Variants in IGSF21 observed in about 807,000 individuals in gnomAD.
IGSF21 encodes immunoglobulin superfamily member 21.
In IGSF21, 28 loss-of-function variants were observed where a neutral mutation model predicts 46.8. That is an observed-to-expected ratio of 0.60 (90% confidence interval 0.44 to 0.82). The LOEUF (loss-of-function observed/expected upper bound fraction) is 0.82, where lower values mean the gene tolerates loss of function less well. IGSF21 is among the 40% of genes least tolerant of loss of function. The probability of loss-of-function intolerance (pLI) is 0.00; values close to 1 mark genes in which losing one functional copy is unlikely to be tolerated. For synonymous variants in IGSF21, 284 were observed against 273.6 expected, an observed-to-expected ratio of 1.04 and a Z score of -0.38; for missense variants, 624 against 665.5, an observed-to-expected ratio of 0.94 and a Z score of 0.69.
chr1:18,242,662 C>T (rs1303502084), intron 2 of IGSF21, among the ~76,000 whole-genome samples: 2 of 152,156 alleles, frequency 1.3e-5, no homozygotes, highest in Non-Finnish European at 2.9e-5. Flanking sequence ...TTCAACGTTC[C>T]CCTTCAACCC....
intron 2 of IGSF21, among the ~76,000 whole-genome samples, chr1:18,264,852 C>T (rs1485318727): frequency 1.3e-5 from 2 of 152,174 alleles, no homozygotes; most frequent in Non-Finnish European, 2.9e-5. Flanking sequence ...CTACCCTTCC[C>T]CTTCTCTACC....
At chr1:18,376,685 C>A in intron 7 of IGSF21, 115 bp from the exon 8 acceptor site, 1 of 1,031,110 alleles carries the variant, frequency 9.7e-7, no homozygotes, top group Non-Finnish European at 1.4e-6. Context: ...GCAGCCACTC[C>A]TAACCCGTCG....
At chr1:18,160,445 C>T (rs2086608039) in intron 1 of IGSF21, among the ~76,000 whole-genome samples, 2 of 152,222 alleles carry the variant, frequency 1.3e-5, no homozygotes, top group Admixed American at 1.3e-4. Context: ...CCTATAATGG[C>T]AGGCGGTGAG....
chr1:18,370,315 T>C (rs908233444), intron 6 of IGSF21, among the ~76,000 whole-genome samples: 18 of 152,192 alleles, frequency 1.2e-4, no homozygotes, highest in African/African-American at 2.4e-4. Flanking sequence ...ACAGAGTTCA[T>C]TGATTTTTGC....
intron 1 of IGSF21, among the ~76,000 whole-genome samples, chr1:18,168,935 G>T (rs1047253486): frequency 6.6e-6 from 1 of 152,190 alleles, no homozygotes; most frequent in African/African-American, 2.4e-5. Flanking sequence ...GGACAGCCCC[G>T]AGGGGCCCCG....
At chr1:18,377,482 G>A in intron 9 of IGSF21, 51 bp downstream of exon 9, 3 of 1,454,124 alleles carry the variant, frequency 2.1e-6, no homozygotes, top group Non-Finnish European at 2.9e-6. Context: ...GGCTTTTGAG[G>A]CGCCAGAAAG....
At chr1:18,188,081 C>T (rs138340568) in intron 1 of IGSF21, among the ~76,000 whole-genome samples, 41 of 152,284 alleles carry the variant, frequency 2.7e-4, no homozygotes, top group African/African-American at 9.6e-4. Flanking sequence ...CTGGATAAGA[C>T]ACTATTCAGC....
In IGSF21 at chr1:18,337,839, A is replaced by C. The variant is rs567382018; in HGVS notation, c.424+2829A>C. ...GCAGATCGGCGCGTGGGGGATTACTATTATCTCTAACTCACAGATGAAGAG... is the reference window on the plus strand; with the variant it reads ...GCAGATCGGCGCGTGGGGGATTACTCTTATCTCTAACTCACAGATGAAGAG... On this transcript the variant is annotated intron_variant, in intron 4 of 9. Transcript: ENST00000251296. This position sits in a 1 kb window ranked among gnomAD's most constrained non-coding sequence, Gnocchi z 5.7. Among the ~76,000 whole-genome samples, 1 of 152,128 alleles carries C rather than the reference A, an allele frequency of 6.6e-6. No homozygotes were observed. The highest frequency in any genetic ancestry group is 1.5e-5 in the Non-Finnish European group (1 of 68,018).
intron 1 of IGSF21, among the ~76,000 whole-genome samples, chr1:18,169,829 C>T (rs548168023): frequency 1.2e-4 from 18 of 152,186 alleles, no homozygotes; most frequent in South Asian, 8.3e-4. Context: ...CAGAGATGAG[C>T]TGCCTGTTGA....
Position 18,334,500 on chromosome 1 carries a change from C to T in IGSF21, c.306-392C>T, listed in dbSNP as rs1018766486. 1.2e-4 allele frequency among the ~76,000 whole-genome samples: 18 copies of T among 152,090 alleles called. No homozygotes were observed. The highest frequency in any genetic ancestry group is 2.7e-4 in the African/African-American group (11 of 41,398). The stretch of plus-strand genomic sequence containing the variant: ...AGGCCGTCATGAGGAAAGAGGGAGC[C>T]GATGCCTCCAGTGACAGTTTTGGTC... On this transcript the variant is annotated intron_variant, in intron 3 of 9. Transcript: ENST00000251296. This position sits in a 1 kb window ranked among gnomAD's most constrained non-coding sequence, Gnocchi z 4.3.
At chr1:18,349,433 A>C (rs955327046) in intron 4 of IGSF21, among the ~76,000 whole-genome samples, 2 of 152,146 alleles carry the variant, frequency 1.3e-5, no homozygotes, top group African/African-American at 4.8e-5. Flanking sequence ...GGGCATCAGG[A>C]AGGCTTCATG....
At chr1:18,348,630 A>C (rs1210042288) in intron 4 of IGSF21, among the ~76,000 whole-genome samples, 22 of 152,228 alleles carry the variant, frequency 1.4e-4, no homozygotes. Context: ...CAGGAAGTGG[A>C]AGTTACAGGT....
intron 1 of IGSF21, among the ~76,000 whole-genome samples, chr1:18,185,516 A>G: frequency 6.6e-6 from 1 of 152,180 alleles, no homozygotes; most frequent in Non-Finnish European, 1.5e-5. Context: ...CGGGCATTTA[A>G]GCTGCAGGTT....
At chr1:18,240,682 G>A (rs2084718629) in intron 2 of IGSF21, among the ~76,000 whole-genome samples, 1 of 152,318 alleles carries the variant, frequency 6.6e-6, no homozygotes, top group South Asian at 2.1e-4. Context: ...TGTAGTTGAT[G>A]AGGTTAATAA....
rs181147291 is a variant in IGSF21, at chr1:18,322,668, G to A, written c.306-12224G>A. Among the ~76,000 whole-genome samples, 12 of 152,196 alleles carry A rather than the reference G, an allele frequency of 7.9e-5. No homozygotes were observed. Among genetic ancestry groups the A allele is most frequent in the East Asian group, 3.9e-4 (2 of 5,152 alleles). On this transcript the variant is annotated intron_variant, in intron 3 of 9. Coordinates refer to ENST00000251296, the MANE Select transcript of IGSF21 (RefSeq NM_032880.5). This position sits in a 1 kb window ranked among gnomAD's most constrained non-coding sequence, Gnocchi z 4.3. ...TGCCTGCCAGTCCTGGGATGGCGTC[G>A]GGTGAAGGTAGGAAAAACACTCTGA...
intron 1 of IGSF21, among the ~76,000 whole-genome samples, chr1:18,212,329 A>C (rs747967442): frequency 2.0e-5 from 3 of 152,196 alleles, no homozygotes; most frequent in Non-Finnish European, 2.9e-5. Flanking sequence ...AGCTGTCCCC[A>C]GGTCTGTCTG....
At chr1:18,244,813 T>C (rs992710704) in intron 2 of IGSF21, among the ~76,000 whole-genome samples, 1 of 152,166 alleles carries the variant, frequency 6.6e-6, no homozygotes, top group Non-Finnish European at 1.5e-5. Context: ...CTGCAAATAA[T>C]AATAATAATA....
At chr1:18,133,710 C>T (rs549124391) in intron 1 of IGSF21, among the ~76,000 whole-genome samples, 3 of 152,338 alleles carry the variant, frequency 2.0e-5, no homozygotes, top group South Asian at 2.1e-4. Context: ...ACCCCTGCCT[C>T]GGTTTATAAT....
At chr1:18,266,471 T>C (rs766317515) in intron 2 of IGSF21, among the ~76,000 whole-genome samples, 3 of 152,334 alleles carry the variant, frequency 2.0e-5, no homozygotes, top group Admixed American at 6.5e-5. Flanking sequence ...TGCACACTCA[T>C]ATGTCTGAGA....
Sources: gnomAD v4.1 joint callset for allele counts (sites outside exome capture counted in the v4.1 genomes callset) on GRCh38, gnomAD v4.1.1 for gene constraint, Gnocchi (gnomAD v3.1) non-coding constraint, MANE v1.5 for transcripts, NCBI Gene and HGNC (gene_info 2026-07-23, HGNC 2026-07-21) for gene names.